The following LRBA variants were observed in gnomAD, a reference collection of about 807,000 sequenced individuals.
LRBA encodes the protein lipopolysaccharide-responsive and beige-like anchor protein.
Under a neutral mutation model 330.0 loss-of-function variants are expected in LRBA, and 176 were observed. The ratio of observed to expected loss-of-function variants is 0.53; its 90% CI spans 0.47 to 0.60. The LOEUF (loss-of-function observed/expected upper bound fraction) is 0.60. Among genes scored for constraint, LRBA ranks in the 20% least tolerant of loss-of-function variants. The pLI is 0.00. For missense variants in LRBA, 3,259 were observed against 3,444.8 expected, an observed-to-expected ratio of 0.95 and a Z score of 1.35; for synonymous variants, 1,230 against 1,193.0, an observed-to-expected ratio of 1.03 and a Z score of -0.64.
chr4:150,265,754 G>T lies in LRBA; in HGVS notation c.8527C>A (p.Arg2843=), dbSNP rs140571055. 6.2e-7 allele frequency: 1 copy of T among 1,613,568 alleles called. No homozygotes were observed. The highest frequency in any genetic ancestry group is 8.5e-7 in the Non-Finnish European group (1 of 1,179,602). Residue 2843 remains arginine, a synonymous_variant, in exon 57 of 57, where the codon CGG becomes AGG. Transcript: ENST00000651943. ...CGGGTTTGGTATTCATGATGCCACCGGTTAAAGTCGTTGTAAAATAGCACA... is the reference window on the plus strand; with the variant it reads ...CGGGTTTGGTATTCATGATGCCACCTGTTAAAGTCGTTGTAAAATAGCACA... The part of the protein sequence containing the change: ...SIVLFYNDFN[R]WHHEYQTRY
At chr4:150,914,990 G>C (rs1732430304) in intron 8 of LRBA, among the ~76,000 whole-genome samples, 1 of 152,062 alleles carries the variant, frequency 6.6e-6, no homozygotes, top group Non-Finnish European at 1.5e-5. Flanking sequence ...ACAGAGCTGA[G>C]ATTCAAACCT....
intron 46 of LRBA, among the ~76,000 whole-genome samples, chr4:150,420,282 ATATATATAATACACATTATAGTATAAAG>A (rs1441798404): frequency 7.8e-5 from 9 of 115,070 alleles, no homozygotes; most frequent in Non-Finnish European, 1.3e-4. Context: ...TATATAAAGT[ATATATATAATACACATTATAGTATAAAG>A]TATATATAAT....
intron 31 of LRBA, among the ~76,000 whole-genome samples, chr4:150,809,930 GATA>G (rs1743473434): frequency 1.6e-5 from 2 of 128,318 alleles, no homozygotes; most frequent in Non-Finnish European, 3.4e-5. Context: ...GATACGATAC[GATA>G]CTTCCCTCTG....
At chr4:150,434,681 A>T (rs1750869490) in intron 46 of LRBA, among the ~76,000 whole-genome samples, 1 of 152,022 alleles carries the variant, frequency 6.6e-6, no homozygotes, top group African/African-American at 2.4e-5. Context: ...GGGAGACCCC[A>T]TCTTTACAAA....
At chr4:150,738,917 T>G (rs767158704) in intron 35 of LRBA, among the ~76,000 whole-genome samples, 3 of 151,990 alleles carry the variant, frequency 2.0e-5, no homozygotes, top group Non-Finnish European at 4.4e-5. Context: ...GATGATAAAT[T>G]TTAACCTAAA....
At chr4:150,895,106 T>A (rs545438660) in intron 16 of LRBA, among the ~76,000 whole-genome samples, 2 of 151,930 alleles carry the variant, frequency 1.3e-5, no homozygotes, top group Non-Finnish European at 1.5e-5. Flanking sequence ...TATAGGAGTA[T>A]AAATTATCAT....
chr4:150,436,825 C>A lies in LRBA; in HGVS notation c.6820G>T (p.Ala2274Ser), dbSNP rs893230669. ...ALNPKRAAFF[A>S]ERYESWEDDQ... ...TCTTCCCATGATTCATAACGCTCAG[C>A]GAAGAATGCTGCTCTTTTTGGGTTC... Residue 2274 changes from alanine (A) to serine (S), a missense_variant, in exon 45 of 57, where the codon GCT (alanine) becomes TCT (serine). Coordinates refer to ENST00000651943, the MANE Select transcript of LRBA (RefSeq NM_001364905.1). 1.2e-6 allele frequency: 2 copies of A among 1,613,680 alleles called. No individual in the cohort carries two copies. Among genetic ancestry groups the A allele is most frequent in the South Asian group, 2.2e-5 (2 of 91,034 alleles).
At chr4:150,459,890 T>G (rs917858069) in intron 44 of LRBA, among the ~76,000 whole-genome samples, 1 of 151,980 alleles carries the variant, frequency 6.6e-6, no homozygotes, top group African/African-American at 2.4e-5. Context: ...CATTTATATT[T>G]TATTTAAACA....
intron 17 of LRBA, among the ~76,000 whole-genome samples, chr4:150,888,693 A>G (rs1729186292): frequency 6.6e-6 from 1 of 152,210 alleles, no homozygotes; most frequent in Non-Finnish European, 1.5e-5. Flanking sequence ...TAAAATTCAA[A>G]TAAAAACAAC....
chr4:150,654,109 A>G (rs1340509289), intron 37 of LRBA, among the ~76,000 whole-genome samples: 1 of 152,136 alleles, frequency 6.6e-6, no homozygotes, highest in East Asian at 1.9e-4. Context: ...CATTGATTTA[A>G]AAATTTTTAA....
intron 41 of LRBA, among the ~76,000 whole-genome samples, chr4:150,490,705 T>A (rs1015970389): frequency 6.6e-6 from 1 of 151,716 alleles, no homozygotes; most frequent in African/African-American, 2.4e-5. Context: ...ATTTGTGATA[T>A]GGCAAAAAAA....
chr4:150,598,977 C>G, intron 38 of LRBA, 30 bp downstream of exon 38: 1 of 1,612,452 alleles, frequency 6.2e-7, no homozygotes, highest in Middle Eastern at 1.7e-4. Flanking sequence ...GTACCTGCTG[C>G]TATTGGCAAG....
In LRBA at chr4:150,513,608, A is replaced by G. The variant is rs1292829804; in HGVS notation, c.6331-22573T>C. Among the ~76,000 whole-genome samples, 3 of 152,182 alleles carry G rather than the reference A, an allele frequency of 2.0e-5. No individual in the cohort carries two copies. In the East Asian group the frequency reaches 5.8e-4, roughly 29 times the overall value. On this transcript the variant is annotated intron_variant, in intron 40 of 56. Transcript: ENST00000651943. Reference sequence around the variant, plus strand: ...TGGAGTTCTGGAGGCTGGGAAGTCCAAGATCAAGTTGCCAGCCAGTTTGGT... The same window carrying G: ...TGGAGTTCTGGAGGCTGGGAAGTCCGAGATCAAGTTGCCAGCCAGTTTGGT...
intron 35 of LRBA, among the ~76,000 whole-genome samples, chr4:150,749,832 T>A (rs148639480): frequency 6.6e-6 from 1 of 152,280 alleles, no homozygotes; most frequent in African/African-American, 2.4e-5. Flanking sequence ...AACTCTGCTC[T>A]TACTGAATAT....
chr4:150,996,193 C>T (rs17027236), intron 2 of LRBA, among the ~76,000 whole-genome samples: 3,076 of 151,946 alleles, frequency 0.02, 86 homozygotes, highest in African/African-American at 0.07. Context: ...TTCAAGTGAA[C>T]GTTTACATCC....
intron 47 of LRBA, among the ~76,000 whole-genome samples, chr4:150,387,011 G>C (rs1743177300): frequency 6.6e-6 from 1 of 152,134 alleles, no homozygotes; most frequent in African/African-American, 2.4e-5. Flanking sequence ...TTTCTCTAAT[G>C]ATCAGTGATG....
Position 150,908,745 on chromosome 4 carries a change from GCC to G in LRBA, c.1272_1273del (p.Ala425TyrfsTer8). Reference sequence around the variant, plus strand: ...TTCAAGACAAAGCTGGGCATCTGTAGCCCGTGGATTGTACGTGAATGCAATGG... The same window carrying G: ...TTCAAGACAAAGCTGGGCATCTGTAGCGTGGATTGTACGTGAATGCAATGG... On this transcript the variant is annotated frameshift_variant, in exon 10 of 57. Transcript: ENST00000651943. LOFTEE classifies it high-confidence loss of function. 6.2e-7 allele frequency: 1 copy of G among 1,613,892 alleles called. No individual in the cohort carries two copies. Among genetic ancestry groups the G allele is most frequent in the Non-Finnish European group, 8.5e-7 (1 of 1,179,790 alleles).
chr4:150,363,594 G>A (rs1561069958), intron 47 of LRBA, among the ~76,000 whole-genome samples: 2 of 152,160 alleles, frequency 1.3e-5, no homozygotes, highest in South Asian at 2.1e-4. Context: ...TCTCACTGCT[G>A]TATAACCAGT....
intron 34 of LRBA, among the ~76,000 whole-genome samples, chr4:150,771,831 G>A (rs566438510): frequency 1.2e-4 from 18 of 152,256 alleles, no homozygotes; most frequent in South Asian, 2.1e-4. Flanking sequence ...AGCTCACTGG[G>A]CACTGGTGGG....
Sources: allele counts gnomAD v4.1 joint callset (sites outside exome capture counted in the v4.1 genomes callset), GRCh38; gene constraint gnomAD v4.1.1; transcripts MANE v1.5; gene names NCBI Gene and HGNC (gene_info 2026-07-23, HGNC 2026-07-21).